AIMP2: variants seen among roughly 807,000 people sequenced by gnomAD.
The protein encoded by AIMP2 is aminoacyl tRNA synthetase complex interacting multifunctional protein 2.
AIMP2 carries 20 observed loss-of-function variants against 23.4 expected under a neutral mutation model. That is an observed-to-expected ratio of 0.85 (90% CI 0.60 to 1.24). AIMP2 has a LOEUF of 1.24. Among genes scored for constraint, AIMP2 ranks in the 50% most tolerant of loss-of-function variants. The pLI, the probability that AIMP2 is intolerant of heterozygous loss-of-function variation, is 0.00. For synonymous variants in AIMP2, 210 were observed against 170.4 expected, an observed-to-expected ratio of 1.23 and a Z score of -1.81; for missense variants, 515 against 414.5, an observed-to-expected ratio of 1.24 and a Z score of -2.10.
intron 3 of AIMP2, among the ~76,000 whole-genome samples, chr7:6,021,119 G>A (rs533284397): frequency 5.3e-5 from 8 of 152,192 alleles, no homozygotes; most frequent in African/African-American, 1.2e-4. Flanking sequence ...CACCAAGGGC[G>A]TCAAAGTCGT....
chr7:6,020,760 A>C (rs1456560667), intron 3 of AIMP2, among the ~76,000 whole-genome samples: 2 of 152,200 alleles, frequency 1.3e-5, no homozygotes, highest in Admixed American at 1.3e-4. Context: ...AACTGCCCTA[A>C]TCTGGGGGCA....
chr7:6,023,177 T>C, intron 3 of AIMP2, 126 bp from the exon 4 acceptor site: 1 of 1,146,476 alleles, frequency 8.7e-7, no homozygotes, highest in Non-Finnish European at 1.2e-6. Flanking sequence ...TGTGATGTTC[T>C]TCTTGAAAAC....
At chr7:6,015,447 G>T in intron 2 of AIMP2, 95 bp downstream of exon 2, 4 of 1,371,488 alleles carry the variant, frequency 2.9e-6, no homozygotes, top group South Asian at 1.2e-5. Context: ...CTTTCAGGCC[G>T]GGCGTGGTGG....
intron 1 of AIMP2, among the ~76,000 whole-genome samples, chr7:6,013,578 T>C (rs1228200594): frequency 2.6e-5 from 4 of 152,068 alleles, no homozygotes; most frequent in Admixed American, 6.6e-5. Context: ...TCTTTTTAAG[T>C]CTTTCCAGCT....
chr7:6,014,202 C>T (rs1786872002), intron 1 of AIMP2, among the ~76,000 whole-genome samples: 1 of 149,304 alleles, frequency 6.7e-6, no homozygotes, highest in African/African-American at 2.5e-5. Context: ...GAAATAGGAA[C>T]CATACAATTT....
At position 6,023,422 on chromosome 7, in the gene AIMP2, C is replaced by G. The variant is rs749640780; in HGVS notation, c.694C>G (p.Leu232Val). The change falls in exon 4 of 4, where the codon CTT becomes GTT. Residue 232 changes from leucine (L) to valine (V), a missense_variant. Physicochemically the swap from Leu to Val is conservative, Grantham distance 32. Transcript: ENST00000223029. The stretch of plus-strand genomic sequence containing the variant: ...GAAGCATAATGCTGTCAACGCAACC[C>G]TTATAGATAGCTGGGTAGATATTGC... ...GQKHNAVNAT[L>V]IDSWVDIAIF... 6.2e-7 allele frequency: 1 copy of G among 1,614,206 alleles called. No individual in the cohort carries two copies. The highest frequency in any genetic ancestry group is 8.5e-7 in the Non-Finnish European group (1 of 1,180,034).
chr7:6,015,316 C>T lies in AIMP2; in HGVS notation c.306C>T (p.Thr102=). 2 of 1,614,176 alleles carry T rather than the reference C, an allele frequency of 1.2e-6. No homozygotes were observed. The highest frequency in any genetic ancestry group is 2.2e-5 in the East Asian group (1 of 44,880). The part of the protein sequence containing the change: ...IIQADEPTTL[T]TNALDLNSVL... ...AAGCGGATGAGCCCACGACTTTAAC[C>T]ACCAATGCGCTGGACTTGAATTCAG... The change falls in exon 2 of 4, where the codon ACC becomes ACT. Residue 102 remains threonine (T), a synonymous_variant. Coordinates refer to ENST00000223029, the MANE Select transcript of AIMP2 (RefSeq NM_006303.4).
chr7:6,012,787 A>G, intron 1 of AIMP2: 1 of 1,007,076 alleles, frequency 9.9e-7, no homozygotes, highest in South Asian at 2.4e-5. Flanking sequence ...CCTGACCTCA[A>G]GTGATCCACC....
chr7:6,016,273 C>G (rs150718518), intron 2 of AIMP2, among the ~76,000 whole-genome samples: 154 of 152,276 alleles, frequency 1.0e-3, no homozygotes, highest in Admixed American at 2.4e-3. Context: ...GAAAGACCAC[C>G]TCGTTTGTTA....
At chr7:6,009,821 C>G (rs1786433237) in intron 1 of AIMP2, among the ~76,000 whole-genome samples, 3 of 149,694 alleles carry the variant, frequency 2.0e-5, no homozygotes, top group African/African-American at 4.9e-5. Flanking sequence ...TGTGGTGAGG[C>G]GCCTGTAATC....
rs59354100 is a variant in AIMP2 at position 6,018,968 on chromosome 7, TAC to T, written c.574+945_574+946del. 1.3e-3 allele frequency among the ~76,000 whole-genome samples: 194 copies of T among 150,640 alleles called. 1 individual carries two copies. The highest frequency in any genetic ancestry group is 3.4e-3 in the Middle Eastern group (1 of 294). ...TAAAAAGTTAAAATGTATCAAACCT[TAC>T]ACACACACACACACACACACAATAC... On this transcript the variant is annotated intron_variant, in intron 3 of 3. Transcript: ENST00000223029.
chr7:6,009,875 G>A (rs183247162), intron 1 of AIMP2, among the ~76,000 whole-genome samples: 14,418 of 145,396 alleles, frequency 0.099, 758 homozygotes, highest in Admixed American at 0.12. Context: ...TTTGAACCCT[G>A]GAGGCGGAGT....
chr7:6,016,318 G>T (rs1787028894), intron 2 of AIMP2, among the ~76,000 whole-genome samples: 1 of 152,114 alleles, frequency 6.6e-6, no homozygotes, highest in Non-Finnish European at 1.5e-5. Flanking sequence ...GATGCAAAAG[G>T]GTTTGTCCCA....
chr7:6,010,660 G>A (rs932024392), intron 1 of AIMP2, among the ~76,000 whole-genome samples: 2 of 151,856 alleles, frequency 1.3e-5, no homozygotes, highest in African/African-American at 4.8e-5. Flanking sequence ...TGTTGGCCAG[G>A]CTGATCTCGA....
intron 3 of AIMP2, among the ~76,000 whole-genome samples, chr7:6,019,475 A>T (rs1279462407): frequency 1.8e-5 from 2 of 111,318 alleles, no homozygotes; most frequent in Non-Finnish European, 3.7e-5. Context: ...ACACAGCAAG[A>T]CTCCGTCTCA....
rs1200082556 is a variant in AIMP2, at chr7:6,015,409, A to G, written c.342+57A>G. 3.2e-6 allele frequency: 5 copies of G among 1,568,582 alleles called. No individual in the cohort carries two copies. In the African/African-American group the frequency reaches 6.8e-5, roughly 21 times the overall value. On this transcript the variant is annotated intron_variant, in intron 2 of 3. Transcript: ENST00000223029. ...AGGTACTGAGTGGTTAGTGCAGGGA[A>G]ATTGTGCTGCTGTGATTAAAGCCTT...
intron 1 of AIMP2, among the ~76,000 whole-genome samples, chr7:6,011,302 TC>T (rs1362147975): frequency 6.6e-6 from 1 of 152,266 alleles, no homozygotes; most frequent in Non-Finnish European, 1.5e-5. Flanking sequence ...GTAGAAGAAT[TC>T]CTGATGTTTG....
In AIMP2 at chr7:6,009,964, A is replaced by T. The variant is rs1424608313; in HGVS notation, c.135+466A>T. 7.9e-4 allele frequency among the ~76,000 whole-genome samples: 34 copies of T among 42,986 alleles called. 2 individuals are homozygous for T. Among genetic ancestry groups the T allele is most frequent in the East Asian group, 4.3e-3 (3 of 700 alleles). 28.2% of individuals were successfully genotyped at this position (42,986 alleles called of 152,430 possible). On this transcript the variant is annotated intron_variant, in intron 1 of 3. Transcript: ENST00000223029. ...AACTCTATCTCAAAAAAAAAAAAAA[A>T]AAAAAAAAAAATATATATATATATA...
At chr7:6,012,207 C>T (rs1373353082) in intron 1 of AIMP2, among the ~76,000 whole-genome samples, 2 of 151,632 alleles carry the variant, frequency 1.3e-5, no homozygotes, top group African/African-American at 4.8e-5. Context: ...GAGCTGTGAT[C>T]CTGCCACTGG....
Sources: gnomAD v4.1 joint callset for allele counts (sites outside exome capture counted in the v4.1 genomes callset) on GRCh38, gnomAD v4.1.1 for gene constraint, MANE v1.5 for transcripts, NCBI Gene and HGNC (gene_info 2026-07-23, HGNC 2026-07-21) for gene names.